Variants in CCSER1 observed in about 807,000 individuals in gnomAD.
The protein encoded by CCSER1 is coiled-coil serine rich protein 1, also known as serine-rich coiled-coil domain-containing protein 1.
A neutral mutation model predicts 82.0 loss-of-function variants in CCSER1; 41 were observed. The ratio of observed to expected loss-of-function variants is 0.50; its 90% CI spans 0.39 to 0.65. The LOEUF is 0.65. Ranked by LOEUF, CCSER1 falls within the 30% of genes least tolerant of loss-of-function variation. CCSER1 has a pLI of 0.00. For synonymous variants in CCSER1, 414 were observed against 383.9 expected, an observed-to-expected ratio of 1.08 and a Z score of -0.92; for missense variants, 1,119 against 1,064.2, an observed-to-expected ratio of 1.05 and a Z score of -0.72.
intron 8 of CCSER1, among the ~76,000 whole-genome samples, chr4:90,887,915 C>G (rs1204917077): frequency 6.6e-6 from 1 of 151,754 alleles, no homozygotes; most frequent in African/African-American, 2.4e-5. Context: ...AACAAAAACA[C>G]AATAATTAGA....
At position 90,426,876 on chromosome 4, in the gene CCSER1, A is replaced by G. The variant is rs142178017; in HGVS notation, c.1603+26747A>G. ...AATGCTCTACTTTATTTCTACTAGAATAGGCTTCAAGTTGTTCTGAACCAT... is the reference window on the plus strand; with the variant it reads ...AATGCTCTACTTTATTTCTACTAGAGTAGGCTTCAAGTTGTTCTGAACCAT... On this transcript the variant is annotated intron_variant, in intron 4 of 10. Coordinates refer to ENST00000509176, the MANE Select transcript of CCSER1 (RefSeq NM_001145065.2). Among the ~76,000 whole-genome samples, 1,100 of 152,202 alleles carry G rather than the reference A, an allele frequency of 7.2e-3. 9 individuals are homozygous for G. Among genetic ancestry groups the G allele is most frequent in the South Asian group, 0.021 (103 of 4,828 alleles).
chr4:90,996,936 G>A (rs1737549382), intron 9 of CCSER1, among the ~76,000 whole-genome samples: 1 of 152,066 alleles, frequency 6.6e-6, no homozygotes. Flanking sequence ...TGGTTGTTAA[G>A]TATTATGAGT....
intron 9 of CCSER1, among the ~76,000 whole-genome samples, chr4:90,933,132 AGTGTGTGTGTGTGTGTGTGTGTGTGTGT>A (rs536402295): frequency 4.3e-5 from 3 of 70,170 alleles, no homozygotes; most frequent in Non-Finnish European, 7.6e-5. Context: ...GTTACCTAGA[AGTGTGTGTGTGTGTGTGTGTGTGTGTGT>A]GTGTGTGTGT....
chr4:91,160,174 C>T (rs1731236967), intron 10 of CCSER1, among the ~76,000 whole-genome samples: 1 of 151,996 alleles, frequency 6.6e-6, no homozygotes, highest in Non-Finnish European at 1.5e-5. Context: ...TGACAGTTTG[C>T]TCAGAATGAT....
At chr4:90,861,300 G>A (rs1765058662) in intron 8 of CCSER1, among the ~76,000 whole-genome samples, 1 of 151,862 alleles carries the variant, frequency 6.6e-6, no homozygotes, top group South Asian at 2.1e-4. Context: ...ACTGAGAGAT[G>A]TAATGTGTAT....
At chr4:90,878,757 C>T (rs1356592661) in intron 8 of CCSER1, among the ~76,000 whole-genome samples, 2 of 152,138 alleles carry the variant, frequency 1.3e-5, no homozygotes, top group African/African-American at 4.8e-5. Flanking sequence ...CTCAACTATG[C>T]CACTGACTAG....
chr4:90,796,520 G>T (rs1201484841), intron 7 of CCSER1, among the ~76,000 whole-genome samples: 1 of 149,888 alleles, frequency 6.7e-6, no homozygotes, highest in Non-Finnish European at 1.5e-5. Flanking sequence ...CTTGTCTTCT[G>T]CTAGCTTTGT....
chr4:90,413,722 A>G (rs113200797), intron 4 of CCSER1, among the ~76,000 whole-genome samples: 10,149 of 151,340 alleles, frequency 0.067, 840 homozygotes, highest in African/African-American at 0.2. Flanking sequence ...TTGGGAGGCC[A>G]AGGCGGGCAG....
At chr4:91,141,400 C>T (rs528113674) in intron 10 of CCSER1, among the ~76,000 whole-genome samples, 1 of 152,296 alleles carries the variant, frequency 6.6e-6, no homozygotes. Flanking sequence ...GATCTGCCCG[C>T]CTTGGCCTCC....
intron 8 of CCSER1, among the ~76,000 whole-genome samples, chr4:90,915,861 A>G (rs1727295162): frequency 6.6e-6 from 1 of 151,968 alleles, no homozygotes; most frequent in Non-Finnish European, 1.5e-5. Flanking sequence ...GCATTCTTAT[A>G]CACCAATAAC....
chr4:91,286,993 T>C (rs1743326676), intron 10 of CCSER1, among the ~76,000 whole-genome samples: 1 of 151,868 alleles, frequency 6.6e-6, no homozygotes, highest in African/African-American at 2.4e-5. Flanking sequence ...AGTTCAATGT[T>C]AACCCAACTG....
chr4:91,490,449 ATGGGACTGGAGG>A, intron 10 of CCSER1, among the ~76,000 whole-genome samples: 1 of 152,184 alleles, frequency 6.6e-6, no homozygotes, highest in Non-Finnish European at 1.5e-5. Flanking sequence ...AGCAACATAG[ATGGGACTGGAGG>A]ACATTATGTT....
At chr4:91,496,642 A>AT (rs1758851492) in intron 10 of CCSER1, among the ~76,000 whole-genome samples, 1 of 53,818 alleles carries the variant, frequency 1.9e-5, no homozygotes, top group Non-Finnish European at 3.9e-5. Flanking sequence ...ATATATATAT[A>AT]TTCAATATAT....
intron 10 of CCSER1, among the ~76,000 whole-genome samples, chr4:91,138,787 G>A (rs1276085169): frequency 6.6e-6 from 1 of 150,392 alleles, no homozygotes; most frequent in East Asian, 2.0e-4. Flanking sequence ...GACATGAACA[G>A]ACACTTCTCA....
intron 10 of CCSER1, among the ~76,000 whole-genome samples, chr4:91,467,335 T>C (rs1756976148): frequency 6.6e-6 from 1 of 152,138 alleles, no homozygotes; most frequent in Non-Finnish European, 1.5e-5. Context: ...CCTTACACCT[T>C]ACACAAAAAT....
At chr4:90,306,947 C>G (rs1207706694) in intron 1 of CCSER1, among the ~76,000 whole-genome samples, 6 of 152,178 alleles carry the variant, frequency 3.9e-5, no homozygotes, top group African/African-American at 1.4e-4. Flanking sequence ...GATGTAGAAA[C>G]ATAGCTGGGC....
At chr4:91,465,121 C>G (rs1012229230) in intron 10 of CCSER1, among the ~76,000 whole-genome samples, 1 of 152,156 alleles carries the variant, frequency 6.6e-6, no homozygotes, top group African/African-American at 2.4e-5. Flanking sequence ...CACTCCTCAG[C>G]AAATGGAAAA....
chr4:91,467,209 A>G (rs1490224774), intron 10 of CCSER1, among the ~76,000 whole-genome samples: 1 of 151,566 alleles, frequency 6.6e-6, no homozygotes, highest in East Asian at 1.9e-4. Flanking sequence ...CCACACATCT[A>G]CAACCATCTT....
intron 7 of CCSER1, among the ~76,000 whole-genome samples, chr4:90,796,875 C>A (rs1345917811): frequency 6.6e-6 from 1 of 152,080 alleles, no homozygotes; most frequent in African/African-American, 2.4e-5. Flanking sequence ...AGTTCTTTTG[C>A]ATTTGCTAAG....
Sources: allele counts gnomAD v4.1 joint callset (sites outside exome capture counted in the v4.1 genomes callset), GRCh38; gene constraint gnomAD v4.1.1; transcripts MANE v1.5; gene names NCBI Gene and HGNC (gene_info 2026-07-23, HGNC 2026-07-21).